RANBP2: variants seen among roughly 807,000 people sequenced by gnomAD.
RANBP2 encodes E3 SUMO-protein ligase RanBP2.
Under a neutral mutation model 303.6 loss-of-function variants are expected in RANBP2, and 57 were observed. That is an observed-to-expected ratio of 0.19 (90% CI 0.15 to 0.23). The LOEUF (loss-of-function observed/expected upper bound fraction) is 0.23, where lower values mean the gene tolerates loss of function less well. RANBP2 is among the 10% of genes least tolerant of loss of function. The probability of loss-of-function intolerance (pLI) is 1.00; values close to 1 mark genes in which losing one functional copy is unlikely to be tolerated. For synonymous variants in RANBP2, 1,167 were observed against 1,301.5 expected (o/e 0.90, Z 2.23); for missense variants, 3,138 against 3,780.8 (o/e 0.83, Z 4.46).
the RANBP2 span, among the ~76,000 whole-genome samples, chr2:109,400,493 G>A: frequency 6.6e-6 from 1 of 151,652 alleles, no homozygotes; most frequent in East Asian, 1.9e-4. Flanking sequence ...GCGTACAGGT[G>A]CATTTACACA....
chr2:108,914,157 G>A, the RANBP2 span, among the ~76,000 whole-genome samples: 11 of 152,006 alleles, frequency 7.2e-5, no homozygotes, highest in African/African-American at 2.4e-4. Context: ...CTACTTAGGA[G>A]GCTGAGGTAG....
At chr2:108,735,863 T>C in intron 5 of RANBP2, 101 bp downstream of exon 5, 4 of 1,589,638 alleles carry the variant, frequency 2.5e-6, no homozygotes, top group Non-Finnish European at 3.4e-6. Context: ...AAATTTCTTT[T>C]ATTTATGTAG....
chr2:108,780,837 G>A (rs1276864271), intron 25 of RANBP2, among the ~76,000 whole-genome samples: 2 of 152,216 alleles, frequency 1.3e-5, no homozygotes, highest in East Asian at 3.9e-4. Flanking sequence ...AGCCTCCCGA[G>A]TAGCTGGGAT....
chr2:109,507,238 A>AC, the RANBP2 span, among the ~76,000 whole-genome samples: 4 of 149,486 alleles, frequency 2.7e-5, no homozygotes, highest in Non-Finnish European at 5.9e-5. Flanking sequence ...CTTGAGATGC[A>AC]CCCCCCTTCC....
chr2:109,492,139 C>T, the RANBP2 span, among the ~76,000 whole-genome samples: 1 of 152,126 alleles, frequency 6.6e-6, no homozygotes, highest in Non-Finnish European at 1.5e-5. Flanking sequence ...ATGAATGGGC[C>T]GGTGTCCCAG....
the RANBP2 span, chr2:108,989,081 G>A: frequency 2.0e-5 from 3 of 152,658 alleles, no homozygotes; most frequent in Admixed American, 2.0e-4. Context: ...CCTCTCAGAA[G>A]CAGGTACTCT....
chr2:109,331,726 G>T, the RANBP2 span, among the ~76,000 whole-genome samples: 1 of 152,122 alleles, frequency 6.6e-6, no homozygotes. Context: ...TTAGTTCCTA[G>T]AACCATGTCT....
At chr2:109,154,390 G>C in the RANBP2 span, among the ~76,000 whole-genome samples, 1 of 152,214 alleles carries the variant, frequency 6.6e-6, no homozygotes, top group Non-Finnish European at 1.5e-5. Flanking sequence ...ATACACAGAA[G>C]GCCCCCCAGC....
chr2:109,455,691 C>T, the RANBP2 span, among the ~76,000 whole-genome samples: 3 of 152,304 alleles, frequency 2.0e-5, no homozygotes, highest in East Asian at 3.9e-4. Flanking sequence ...TATTTCCTCT[C>T]GAGTGGAGGC....
the RANBP2 span, among the ~76,000 whole-genome samples, chr2:109,203,582 C>T: frequency 6.6e-6 from 1 of 152,124 alleles, no homozygotes; most frequent in Non-Finnish European, 1.5e-5. Flanking sequence ...TCGTCCAGCT[C>T]TCTGGAACAC....
At chr2:109,592,694 C>A in the RANBP2 span, among the ~76,000 whole-genome samples, 1 of 138,182 alleles carries the variant, frequency 7.2e-6, no homozygotes, top group Non-Finnish European at 1.6e-5. Context: ...ACAAGAGAAT[C>A]GCTTGAACCC....
chr2:109,287,237 C>T, the RANBP2 span, among the ~76,000 whole-genome samples: 1 of 152,188 alleles, frequency 6.6e-6, no homozygotes, highest in Non-Finnish European at 1.5e-5. Context: ...CTGCTCGGGT[C>T]TAGCGAATGG....
At chr2:109,517,720 A>G in the RANBP2 span, among the ~76,000 whole-genome samples, 140,097 of 152,234 alleles carry the variant, frequency 0.92, 64,484 homozygotes, top group East Asian at 0.96. Flanking sequence ...CTGATCCCAC[A>G]GGGCTGGGTG....
chr2:109,251,785 T>A, the RANBP2 span: 1 of 524,446 alleles, frequency 1.9e-6, no homozygotes, highest in Non-Finnish European at 3.4e-6. Flanking sequence ...AAAAAAAGAA[T>A]TAGATAATAC....
At chr2:109,628,842 TGAGA>T in the RANBP2 span, among the ~76,000 whole-genome samples, 1 of 151,940 alleles carries the variant, frequency 6.6e-6, no homozygotes, top group African/African-American at 2.4e-5. Flanking sequence ...TTTAAGTGAG[TGAGA>T]GTTATTTTTC....
the RANBP2 span, among the ~76,000 whole-genome samples, chr2:109,308,198 T>G: frequency 2.3e-5 from 3 of 132,248 alleles, no homozygotes; most frequent in Middle Eastern, 3.8e-3. Context: ...TTTTCATGTG[T>G]TTTTTGGCTG....
the RANBP2 span, among the ~76,000 whole-genome samples, chr2:108,818,820 CT>C: frequency 0.063 from 9,144 of 144,210 alleles, 304 homozygotes; most frequent in South Asian, 0.15. Flanking sequence ...AAACTTCTGA[CT>C]TTTTTTTTTT....
the RANBP2 span, among the ~76,000 whole-genome samples, chr2:109,394,885 G>C: frequency 6.6e-6 from 1 of 152,240 alleles, no homozygotes; most frequent in Non-Finnish European, 1.5e-5. Context: ...GAGGAGCTGG[G>C]AAAGTGTGGC....
the RANBP2 span, among the ~76,000 whole-genome samples, chr2:108,946,896 C>T: frequency 0.3 from 45,885 of 151,554 alleles, 10,768 homozygotes; most frequent in East Asian, 0.95. Flanking sequence ...CAAATCTCAT[C>T]TTTTTTTTCA....
Sources: gnomAD v4.1 joint callset for allele counts (sites outside exome capture counted in the v4.1 genomes callset) on GRCh38, gnomAD v4.1.1 for gene constraint, MANE v1.5 for transcripts, NCBI Gene and HGNC (gene_info 2026-07-23, HGNC 2026-07-21) for gene names.